PDE6D: variants seen among roughly 807,000 people sequenced by gnomAD.
PDE6D encodes retinal rod rhodopsin-sensitive cGMP 3',5'-cyclic phosphodiesterase subunit delta.
PDE6D carries 10 observed loss-of-function variants against 21.9 expected under a neutral mutation model. The observed-to-expected ratio is 0.46, with a 90% CI of 0.28 to 0.78. The LOEUF (loss-of-function observed/expected upper bound fraction) is 0.78. Among genes scored for constraint, PDE6D ranks in the 30% least tolerant of loss-of-function variants. The pLI is 0.12. For synonymous variants in PDE6D, 59 were observed against 63.5 expected, an observed-to-expected ratio of 0.93 and a Z score of 0.34; for missense variants, 139 against 184.8, an observed-to-expected ratio of 0.75 and a Z score of 1.44.
chr2:231,757,868 G>T (rs886257087), intron 1 of PDE6D, among the ~76,000 whole-genome samples: 1 of 151,878 alleles, frequency 6.6e-6, no homozygotes, highest in Non-Finnish European at 1.5e-5. Flanking sequence ...GTTACAGAAA[G>T]TTTGGAAAAT....
chr2:231,769,690 T>C (rs1337148318), intron 1 of PDE6D, among the ~76,000 whole-genome samples: 2 of 152,302 alleles, frequency 1.3e-5, no homozygotes, highest in East Asian at 3.9e-4. Flanking sequence ...CATAGCTCAC[T>C]GTAGCCTCGA....
intron 1 of PDE6D, among the ~76,000 whole-genome samples, chr2:231,780,319 C>T (rs2049098693): frequency 6.6e-6 from 1 of 152,124 alleles, no homozygotes; most frequent in Non-Finnish European, 1.5e-5. Context: ...GCTAGGAGTC[C>T]CAGCGCGAGG....
At chr2:231,757,961 A>C (rs2048896081) in intron 1 of PDE6D, among the ~76,000 whole-genome samples, 1 of 152,160 alleles carries the variant, frequency 6.6e-6, no homozygotes, top group African/African-American at 2.4e-5. Flanking sequence ...TAAAAAAAAA[A>C]GAAAACAAAG....
intron 1 of PDE6D, among the ~76,000 whole-genome samples, chr2:231,741,785 T>C (rs2048751993): frequency 6.6e-6 from 1 of 152,224 alleles, no homozygotes; most frequent in Non-Finnish European, 1.5e-5. Context: ...GTATAACTCA[T>C]GGCTTCATTG....
chr2:231,779,491 G>A (rs985135196), intron 1 of PDE6D: 1 of 152,046 alleles, frequency 6.6e-6, no homozygotes, highest in Non-Finnish European at 1.5e-5. Context: ...TCCAGTTTCC[G>A]GTTTACTGTC....
chr2:231,769,402 T>A (rs1440747166), intron 1 of PDE6D, among the ~76,000 whole-genome samples: 9 of 152,196 alleles, frequency 5.9e-5, no homozygotes, highest in African/African-American at 2.2e-4. Flanking sequence ...ATTTAGTCCC[T>A]TTTTCTTAAT....
At chr2:231,766,996 A>G (rs958913537) in intron 1 of PDE6D, among the ~76,000 whole-genome samples, 1 of 148,750 alleles carries the variant, frequency 6.7e-6, no homozygotes, top group Non-Finnish European at 1.5e-5. Flanking sequence ...TCCGTCTCAA[A>G]AAAAAAAAAA....
intron 1 of PDE6D, among the ~76,000 whole-genome samples, chr2:231,779,797 T>C (rs914896399): frequency 1.3e-5 from 2 of 152,224 alleles, no homozygotes; most frequent in Non-Finnish European, 2.9e-5. Context: ...AAAATCTCAC[T>C]TGTACATCCA....
rs780098160 is a variant in PDE6D, at chr2:231,739,264, C to T, written c.51-76G>A. 1.2e-6 allele frequency: 1 copy of T among 866,880 alleles called. No individual in the cohort carries two copies. Among genetic ancestry groups the T allele is most frequent in the South Asian group, 1.3e-5 (1 of 76,110 alleles). 53.7% of individuals were successfully genotyped at this position (866,880 alleles called of 1,614,324 possible). A position where few individuals can be genotyped will look rare whatever the true frequency, so the allele number is the denominator to read the frequency against. ...TTGTATTCTAGGTGTCTCATGTTTA[C>T]TCCCACCAACTCTTGTTTACTTTTT... is the stretch of plus-strand genomic sequence containing the variant. On this transcript the variant is annotated intron_variant, in intron 1 of 4. Transcript: ENST00000287600. The surrounding 1 kb of genome is among the most constrained non-coding windows in gnomAD (Gnocchi z 4.2).
intron 1 of PDE6D, among the ~76,000 whole-genome samples, chr2:231,768,307 T>C (rs1313313152): frequency 6.6e-6 from 1 of 152,196 alleles, no homozygotes; most frequent in Non-Finnish European, 1.5e-5. Context: ...TGAAACACTT[T>C]CCTTCCTCTG....
At chr2:231,769,431 GA>G (rs1326820486) in intron 1 of PDE6D, among the ~76,000 whole-genome samples, 5 of 152,038 alleles carry the variant, frequency 3.3e-5, no homozygotes, top group Non-Finnish European at 7.4e-5. Flanking sequence ...GTGACCTGGT[GA>G]AAACCATACT....
intron 1 of PDE6D, among the ~76,000 whole-genome samples, chr2:231,775,609 C>T (rs554012330): frequency 6.6e-6 from 1 of 152,058 alleles, no homozygotes; most frequent in East Asian, 1.9e-4. Context: ...AGGCATGAGC[C>T]CCTGCACCCG....
chr2:231,774,673 T>TG (rs970312573), intron 1 of PDE6D, among the ~76,000 whole-genome samples: 36 of 150,184 alleles, frequency 2.4e-4, no homozygotes, highest in African/African-American at 8.1e-4. Flanking sequence ...ATTGCAACCT[T>TG]GGCCTCCCAG....
intron 1 of PDE6D, among the ~76,000 whole-genome samples, chr2:231,755,565 A>G (rs1439137242): frequency 1.3e-5 from 2 of 152,118 alleles, no homozygotes; most frequent in African/African-American, 4.8e-5. Flanking sequence ...TGTCTCTATG[A>G]AAATACAAAA....
intron 1 of PDE6D, among the ~76,000 whole-genome samples, chr2:231,765,975 T>C (rs781075194): frequency 7.2e-5 from 11 of 152,354 alleles, no homozygotes; most frequent in Admixed American, 2.0e-4. Context: ...TAGTGTTGGT[T>C]ATACAGAGCA....
At chr2:231,745,818 G>A (rs2048789646) in intron 1 of PDE6D, among the ~76,000 whole-genome samples, 1 of 152,124 alleles carries the variant, frequency 6.6e-6, no homozygotes, top group African/African-American at 2.4e-5. Context: ...GTTGTGACCT[G>A]GTGTGATTTA....
chr2:231,768,304 C>T (rs1421768210), intron 1 of PDE6D, among the ~76,000 whole-genome samples: 2 of 152,176 alleles, frequency 1.3e-5, no homozygotes, highest in East Asian at 3.8e-4. Context: ...TCTTGAAACA[C>T]TTTCCTTCCT....
At chr2:231,755,348 T>G (rs2048874715) in intron 1 of PDE6D, among the ~76,000 whole-genome samples, 1 of 152,174 alleles carries the variant, frequency 6.6e-6, no homozygotes, top group Non-Finnish European at 1.5e-5. Context: ...CCAGAAAAAC[T>G]AAGTCTTAAG....
rs2048794463 is a variant in PDE6D, at chr2:231,746,425, G to A, written c.51-7237C>T. Among the ~76,000 whole-genome samples, 5 of 152,190 alleles carry A rather than the reference G, an allele frequency of 3.3e-5. No individual in the cohort carries two copies. In the South Asian group the frequency reaches 1.0e-3, roughly 31 times the overall value. On this transcript the variant is annotated intron_variant, in intron 1 of 4. Coordinates refer to ENST00000287600, the MANE Select transcript of PDE6D (RefSeq NM_002601.4). Reference sequence around the variant, plus strand: ...CCCAAAGTGCTGGGATTACAGGCATGAGCCACAGTGCCTGGCCCGTTGGTG... The same window carrying A: ...CCCAAAGTGCTGGGATTACAGGCATAAGCCACAGTGCCTGGCCCGTTGGTG...
Sources: allele counts gnomAD v4.1 joint callset (sites outside exome capture counted in the v4.1 genomes callset), GRCh38; gene constraint gnomAD v4.1.1; non-coding constraint Gnocchi (gnomAD v3.1); transcripts MANE v1.5; gene names NCBI Gene and HGNC (gene_info 2026-07-23, HGNC 2026-07-21).